ROR2: variants seen among roughly 807,000 people sequenced by gnomAD.
The protein encoded by ROR2 is ROR family WNT receptor 2.
A neutral mutation model predicts 74.9 loss-of-function variants in ROR2; 33 were observed. That is an observed-to-expected ratio of 0.44 (90% CI 0.33 to 0.59). The LOEUF (loss-of-function observed/expected upper bound fraction) is 0.59, where lower values mean the gene tolerates loss of function less well. Among genes scored for constraint, ROR2 ranks in the 20% least tolerant of loss-of-function variants. The pLI is 0.02. For missense variants in ROR2, 1,216 were observed against 1,313.8 expected (o/e 0.93, Z 1.15); for synonymous variants, 586 against 558.7 (o/e 1.05, Z -0.69).
At chr9:91,900,510 G>A (rs978971407) in intron 1 of ROR2, among the ~76,000 whole-genome samples, 3 of 152,246 alleles carry the variant, frequency 2.0e-5, no homozygotes, top group African/African-American at 7.2e-5. Flanking sequence ...GGACCCGCAG[G>A]AAACAAGAAA....
intron 1 of ROR2, 28 bp downstream of exon 1, chr9:91,949,839 G>C (rs1391253195): frequency 4.3e-6 from 6 of 1,407,796 alleles, no homozygotes; most frequent in Non-Finnish European, 5.9e-6. Context: ...GCTACCGTCT[G>C]CGCACAAGCC....
Position 91,724,438 on chromosome 9 carries a change from A to G in ROR2, c.2056T>C (p.Phe686Leu), listed in dbSNP as rs1443116034. Reference protein sequence around the residue: ...WSYGVVLWEVFSYGLQPYCGY... With the variant: ...WSYGVVLWEVLSYGLQPYCGY... ...CAGTAGGGCTGCAGGCCGTAGCTGAAGACCTCCCACAGGACCACACCGTAG... is the reference window on the plus strand; with the variant it reads ...CAGTAGGGCTGCAGGCCGTAGCTGAGGACCTCCCACAGGACCACACCGTAG... The change falls in exon 9 of 9, where the codon TTC becomes CTC. Residue 686 changes from phenylalanine (F) to leucine (L), a missense_variant. Physicochemically the swap from Phe to Leu is conservative, Grantham distance 22. Coordinates refer to ENST00000375708, the MANE Select transcript of ROR2 (RefSeq NM_004560.4). 7 of 1,614,072 alleles carry G rather than the reference A, an allele frequency of 4.3e-6. No individual in the cohort carries two copies. The highest frequency in any genetic ancestry group is 2.2e-5 in the South Asian group (2 of 91,088).
intron 1 of ROR2, among the ~76,000 whole-genome samples, chr9:91,796,119 G>T (rs531726715): frequency 6.6e-6 from 1 of 152,162 alleles, no homozygotes; most frequent in Admixed American, 6.5e-5. Flanking sequence ...GACTGAACAC[G>T]TTCCCCAGGG....
chr9:91,863,141 G>A (rs137986734), intron 1 of ROR2, among the ~76,000 whole-genome samples: 123 of 152,304 alleles, frequency 8.1e-4, no homozygotes, highest in African/African-American at 2.9e-3. Flanking sequence ...ATGGTACAGC[G>A]CTGGGGCAAA....
At chr9:91,887,130 T>A (rs1402104259) in intron 1 of ROR2, 1 of 152,194 alleles carries the variant, frequency 6.6e-6, no homozygotes, top group Non-Finnish European at 1.5e-5. Flanking sequence ...AAAGGGTACA[T>A]TCGTGGGGAG....
intron 7 of ROR2, among the ~76,000 whole-genome samples, chr9:91,729,690 T>C (rs1213339606): frequency 1.3e-5 from 2 of 152,176 alleles, no homozygotes; most frequent in Admixed American, 6.5e-5. Flanking sequence ...CCAGCCTTGG[T>C]TACCCTGCTG....
rs1163851282 is a variant in ROR2 at position 91,786,353 on chromosome 9, AG to A, written c.98-10536del. Among the ~76,000 whole-genome samples, 31 of 79,902 alleles carry A rather than the reference AG, an allele frequency of 3.9e-4. No homozygotes were observed. The East Asian group carries it at 0.011, about 29-fold the overall frequency. The allele number at this position is 79,902 out of a possible 152,430, so 52.4% of individuals were successfully genotyped here. A position where few individuals can be genotyped will look rare whatever the true frequency, so the allele number is the denominator to read the frequency against. On this transcript the variant is annotated intron_variant, in intron 1 of 8. Coordinates refer to ENST00000375708, the MANE Select transcript of ROR2 (RefSeq NM_004560.4). ...CAATCAATCAATCAATCAATCAATA[AG>A]TAAATAAATAAATAAATAAATAAAT...
chr9:91,783,613 C>CTGCAG (rs60540194), intron 1 of ROR2, among the ~76,000 whole-genome samples: 1 of 152,304 alleles, frequency 6.6e-6, no homozygotes, highest in East Asian at 1.9e-4. Flanking sequence ...GCAGCTGCAG[C>CTGCAG]CCCGCCCTAG....
intron 1 of ROR2, among the ~76,000 whole-genome samples, chr9:91,875,214 T>A (rs951978518): frequency 3.9e-5 from 6 of 152,202 alleles, no homozygotes; most frequent in African/African-American, 1.4e-4. Context: ...CCTAGAGATA[T>A]CCTGCAAGTG....
At chr9:91,810,972 G>A (rs575067353) in intron 1 of ROR2, among the ~76,000 whole-genome samples, 1 of 152,364 alleles carries the variant, frequency 6.6e-6, no homozygotes, top group Non-Finnish European at 1.5e-5. Context: ...CACACGTCAC[G>A]TGGTTCTTTT....
At chr9:91,797,786 G>A (rs1827226250) in intron 1 of ROR2, among the ~76,000 whole-genome samples, 1 of 52,568 alleles carries the variant, frequency 1.9e-5, no homozygotes, top group African/African-American at 1.1e-4. Context: ...CTGACACCCT[G>A]GGCTCTGTGG....
chr9:91,762,905 C>T (rs1825958690), intron 2 of ROR2, among the ~76,000 whole-genome samples: 1 of 152,172 alleles, frequency 6.6e-6, no homozygotes, highest in Non-Finnish European at 1.5e-5. Flanking sequence ...ATATAGATGT[C>T]TTGTCCTGTG....
intron 4 of ROR2, among the ~76,000 whole-genome samples, chr9:91,751,167 T>C (rs375221573): frequency 1.2e-4 from 19 of 152,258 alleles, no homozygotes; most frequent in African/African-American, 4.3e-4. Flanking sequence ...ACAGTCACTA[T>C]AAGAGGGTCC....
At chr9:91,837,309 T>C (rs2119204800) in intron 1 of ROR2, among the ~76,000 whole-genome samples, 1 of 152,326 alleles carries the variant, frequency 6.6e-6, no homozygotes, top group South Asian at 2.1e-4. Flanking sequence ...CCTGACCTCA[T>C]GATCGGCCCG....
intron 3 of ROR2, among the ~76,000 whole-genome samples, chr9:91,756,888 T>C (rs575513872): frequency 1.3e-5 from 2 of 151,786 alleles, no homozygotes; most frequent in African/African-American, 2.4e-5. Context: ...GTAGCTGGGA[T>C]TACAGGCGCC....
chr9:91,949,502 G>A (rs1564058155), intron 1 of ROR2, among the ~76,000 whole-genome samples: 1 of 151,950 alleles, frequency 6.6e-6, no homozygotes, highest in African/African-American at 2.4e-5. Flanking sequence ...CCCGGGTCCT[G>A]GGACCCTCGG....
chr9:91,727,117 C>A (rs1306566438), intron 7 of ROR2, among the ~76,000 whole-genome samples: 3 of 152,212 alleles, frequency 2.0e-5, no homozygotes, highest in Non-Finnish European at 4.4e-5. Context: ...GTCTCCCCAG[C>A]TACTGACAAG....
At chr9:91,928,294 C>T (rs962023203) in intron 1 of ROR2, among the ~76,000 whole-genome samples, 3 of 152,182 alleles carry the variant, frequency 2.0e-5, no homozygotes, top group African/African-American at 7.2e-5. Context: ...CCCTCACTGC[C>T]CCTCTGCCTC....
At chr9:91,813,062 C>G (rs1419381386) in intron 1 of ROR2, among the ~76,000 whole-genome samples, 1 of 152,070 alleles carries the variant, frequency 6.6e-6, no homozygotes, top group African/African-American at 2.4e-5. Context: ...TCATTGCCCA[C>G]AACAGCCCTG....
Sources: gnomAD v4.1 joint callset for allele counts (sites outside exome capture counted in the v4.1 genomes callset) on GRCh38, gnomAD v4.1.1 for gene constraint, MANE v1.5 for transcripts, NCBI Gene and HGNC (gene_info 2026-07-23, HGNC 2026-07-21) for gene names.